IL1RAPL1: variants seen among roughly 807,000 people sequenced by gnomAD.
IL1RAPL1 encodes the protein interleukin-1 receptor accessory protein-like 1.
A neutral mutation model predicts 48.4 loss-of-function variants in IL1RAPL1; 3 were observed. That is an observed-to-expected ratio of 0.06 (90% CI 0.03 to 0.16). IL1RAPL1 has a LOEUF of 0.16. Among genes scored for constraint, IL1RAPL1 ranks in the 10% least tolerant of loss-of-function variants. The pLI is 1.00. For missense variants in IL1RAPL1, 349 were observed against 530.6 expected (o/e 0.66, Z 3.36); for synonymous variants, 185 against 187.7 (o/e 0.99, Z 0.12).
chrX:29,953,262 T>C (rs189727174), intron 9 of IL1RAPL1, among the ~76,000 whole-genome samples: 14 of 112,127 alleles, frequency 1.2e-4, no homozygotes, highest in African/African-American at 4.5e-4. Context: ...GACATTGATA[T>C]TGGTAGACTC....
chrX:28,985,096 C>T (rs992112441), intron 2 of IL1RAPL1, among the ~76,000 whole-genome samples: 20 of 111,392 alleles, frequency 1.8e-4, no homozygotes, highest in African/African-American at 6.2e-4. Flanking sequence ...AAAAAGGATG[C>T]CCTTCATCTT....
intron 2 of IL1RAPL1, among the ~76,000 whole-genome samples, chrX:28,968,510 AT>A (rs1924976333): frequency 8.9e-6 from 1 of 112,096 alleles, no homozygotes; most frequent in Non-Finnish European, 1.9e-5. Flanking sequence ...GAATAATAAG[AT>A]TGGCCTCACA....
intron 3 of IL1RAPL1, among the ~76,000 whole-genome samples, chrX:29,332,901 C>T (rs1452367310): frequency 1.8e-5 from 2 of 109,715 alleles, no homozygotes; most frequent in Admixed American, 9.6e-5. Context: ...CATCTTGCAC[C>T]GCCCTTAATC....
At chrX:29,260,310 A>G (rs943881566) in intron 2 of IL1RAPL1, among the ~76,000 whole-genome samples, 1 of 112,369 alleles carries the variant, frequency 8.9e-6, no homozygotes, top group Non-Finnish European at 1.9e-5. Flanking sequence ...GCTAATAAAG[A>G]CATACCCAAG....
At chrX:29,433,957 A>G (rs1328837758) in intron 5 of IL1RAPL1, among the ~76,000 whole-genome samples, 1 of 110,292 alleles carries the variant, frequency 9.1e-6, no homozygotes, top group African/African-American at 3.3e-5. Context: ...TATTCATTTC[A>G]CAAATTATTT....
chrX:29,105,007 A>G (rs1373078669), intron 2 of IL1RAPL1, among the ~76,000 whole-genome samples: 1 of 111,789 alleles, frequency 8.9e-6, no homozygotes, highest in Non-Finnish European at 1.9e-5. Context: ...GAGTCTGTCC[A>G]TGCTAAAAAA....
chrX:29,316,083 G>C (rs1056387917), intron 3 of IL1RAPL1, among the ~76,000 whole-genome samples: 1 of 112,095 alleles, frequency 8.9e-6, no homozygotes, highest in East Asian at 2.8e-4. Flanking sequence ...CACAGCCCCA[G>C]GCACAACTGT....
At chrX:29,706,010 T>C (rs1927185321) in intron 6 of IL1RAPL1, among the ~76,000 whole-genome samples, 1 of 112,301 alleles carries the variant, frequency 8.9e-6, no homozygotes, top group African/African-American at 3.2e-5. Flanking sequence ...CTCACAATCA[T>C]GGCAGAAGGC....
intron 2 of IL1RAPL1, among the ~76,000 whole-genome samples, chrX:28,885,588 TAAG>T (rs1922610011): frequency 8.9e-6 from 1 of 111,960 alleles, no homozygotes; most frequent in Admixed American, 9.5e-5. Context: ...TTTAATAAAA[TAAG>T]AAACTTGAAC....
intron 2 of IL1RAPL1, among the ~76,000 whole-genome samples, chrX:29,061,761 G>A (rs1927347002): frequency 8.9e-6 from 1 of 112,635 alleles, no homozygotes; most frequent in African/African-American, 3.2e-5. Flanking sequence ...TCCTGGCCAC[G>A]TGTTTTACAT....
At chrX:29,641,701 G>C (rs761120094) in intron 5 of IL1RAPL1, among the ~76,000 whole-genome samples, 1 of 112,485 alleles carries the variant, frequency 8.9e-6, no homozygotes, top group Non-Finnish European at 1.9e-5. Flanking sequence ...AAGCATCTGT[G>C]GAAAGTGCAA....
chrX:28,779,570 T>A (rs1936394792), intron 1 of IL1RAPL1, among the ~76,000 whole-genome samples: 1 of 99,354 alleles, frequency 1.0e-5, no homozygotes, highest in Admixed American at 1.1e-4. Flanking sequence ...TTATTGAACA[T>A]TGACAATTAT....
At chrX:28,615,434 C>T (rs1934207983) in intron 1 of IL1RAPL1, among the ~76,000 whole-genome samples, 1 of 108,993 alleles carries the variant, frequency 9.2e-6, no homozygotes, top group South Asian at 4.0e-4. Context: ...TACTATAGCT[C>T]GATTGTGTAT....
At chrX:29,558,840 T>A in intron 5 of IL1RAPL1, among the ~76,000 whole-genome samples, 1 of 111,734 alleles carries the variant, frequency 8.9e-6, no homozygotes, top group South Asian at 3.7e-4. Context: ...CAGTTGACTA[T>A]AAATATGTGG....
At chrX:28,808,476 T>C (rs901116097) in intron 2 of IL1RAPL1, among the ~76,000 whole-genome samples, 4 of 110,548 alleles carry the variant, frequency 3.6e-5, no homozygotes, top group Non-Finnish European at 7.6e-5. Context: ...ACATGAAGAG[T>C]TAATGAGAAA....
chrX:28,813,582 C>T (rs762572443), intron 2 of IL1RAPL1, among the ~76,000 whole-genome samples: 16 of 110,699 alleles, frequency 1.4e-4, no homozygotes, highest in Non-Finnish European at 2.3e-4. Context: ...CATATATGTC[C>T]TTAATGATTT....
At chrX:28,753,765 G>A (rs770955353) in intron 1 of IL1RAPL1, among the ~76,000 whole-genome samples, 15 of 112,074 alleles carry the variant, frequency 1.3e-4, no homozygotes, top group Non-Finnish European at 2.6e-4. Flanking sequence ...GAGCCATGAA[G>A]GCAATTTATG....
At chrX:29,698,613 G>A (rs905712765) in intron 6 of IL1RAPL1, among the ~76,000 whole-genome samples, 1 of 110,859 alleles carries the variant, frequency 9.0e-6, no homozygotes, top group African/African-American at 3.3e-5. Context: ...GAGGGAGGAA[G>A]GAAGGAAGGA....
intron 1 of IL1RAPL1, among the ~76,000 whole-genome samples, chrX:28,701,617 G>T (rs775846871): frequency 1.8e-5 from 2 of 111,853 alleles, no homozygotes; most frequent in South Asian, 7.4e-4. Context: ...AATAAAATGT[G>T]TAAATCTAAA....
Sources: allele counts gnomAD v4.1 joint callset (sites outside exome capture counted in the v4.1 genomes callset), GRCh38; gene constraint gnomAD v4.1.1; transcripts MANE v1.5; gene names NCBI Gene and HGNC (gene_info 2026-07-23, HGNC 2026-07-21).